Variants in SH3BP2 observed in about 807,000 individuals in gnomAD.
The protein encoded by SH3BP2 is SH3 domain-binding protein 2.
In SH3BP2, 38 loss-of-function variants were observed where a neutral mutation model predicts 56.2. The ratio of observed to expected loss-of-function variants is 0.68; its 90% CI spans 0.52 to 0.89. The LOEUF (loss-of-function observed/expected upper bound fraction) is 0.89, where lower values mean the gene tolerates loss of function less well. SH3BP2 is among the 40% of genes least tolerant of loss of function. The probability of loss-of-function intolerance (pLI) is 0.00; values close to 1 mark genes in which losing one functional copy is unlikely to be tolerated. For missense variants in SH3BP2, 748 were observed against 762.6 expected (o/e 0.98, Z 0.23); for synonymous variants, 346 against 316.7 (o/e 1.09, Z -0.98).
chr4:2,832,299 A>T (rs1335804838), intron 10 of SH3BP2, 32 bp from the exon 11 acceptor site: 1 of 1,568,484 alleles, frequency 6.4e-7, no homozygotes, highest in Non-Finnish European at 8.8e-7. Flanking sequence ...CCCGAGGAGG[A>T]CTCACCCGCT....
Position 2,820,671 on chromosome 4 carries a change from G to A in SH3BP2, c.54G>A (p.Gln18=). Residue 18 remains glutamine (Q), a synonymous_variant, in exon 2 of 13, where the codon CAG becomes CAA. Transcript: ENST00000503393. ...TCCCTATGAAGGCCATTGGTGCCCA[G>A]AACCTGCTAACCATGCCTGGGGGCG... ...WPVPMKAIGA[Q]NLLTMPGGVA... 1 of 1,614,178 alleles carries A rather than the reference G, an allele frequency of 6.2e-7. No homozygotes were observed. Among genetic ancestry groups the A allele is most frequent in the Non-Finnish European group, 8.5e-7 (1 of 1,180,008 alleles).
intron 11 of SH3BP2, among the ~76,000 whole-genome samples, 188 bp from the exon 12 acceptor site, chr4:2,832,802 G>A (rs145976743): frequency 0.017 from 2,548 of 152,296 alleles, 37 homozygotes; most frequent in Non-Finnish European, 0.027. Context: ...GCTCATCAGA[G>A]GCTCTCTGAG....
intron 1 of SH3BP2, chr4:2,817,841 T>C (rs1724069210): frequency 6.6e-6 from 1 of 152,212 alleles, no homozygotes; most frequent in Non-Finnish European, 1.5e-5. Context: ...AGAGGCCACT[T>C]TCCCGAGGGA....
chr4:2,821,109 A>G (rs1724281774), intron 2 of SH3BP2, among the ~76,000 whole-genome samples: 1 of 152,158 alleles, frequency 6.6e-6, no homozygotes, highest in South Asian at 2.1e-4. Context: ...CAGTGAACCT[A>G]TGTGTCAAGT....
intron 1 of SH3BP2, chr4:2,818,225 T>G: frequency 1.0e-6 from 1 of 985,870 alleles, no homozygotes; most frequent in Non-Finnish European, 1.2e-6. Context: ...CCGGCGGGCA[T>G]GGCGGGCTCC....
rs1037608233 is a variant in SH3BP2 at position 2,832,863 on chromosome 4, C to T, written c.1489-127C>T. 5.8e-5 allele frequency: 55 copies of T among 944,464 alleles called. No individual in the cohort carries two copies. In the African/African-American group the frequency reaches 7.3e-4, roughly 12 times the overall value. 58.5% of individuals were successfully genotyped at this position (944,464 alleles called of 1,614,324 possible). On this transcript the variant is annotated intron_variant, in intron 11 of 12. Coordinates refer to ENST00000503393, the MANE Select transcript of SH3BP2 (RefSeq NM_001122681.2). ...CTTGTGCAGGTGGTCTGGAGTCCCTCCCCGCCCCCCGAGGGCCACAGGACC... is the reference window on the plus strand; with the variant it reads ...CTTGTGCAGGTGGTCTGGAGTCCCTTCCCGCCCCCCGAGGGCCACAGGACC...
At chr4:2,827,358 C>T (rs778962975) in intron 6 of SH3BP2, 40 bp downstream of exon 6, 2 of 1,555,946 alleles carry the variant, frequency 1.3e-6, no homozygotes, top group Non-Finnish European at 1.8e-6. Flanking sequence ...TTTGCCTCTC[C>T]CCACCTGGCC....
In SH3BP2 at chr4:2,824,667, C is replaced by T; in HGVS notation, c.294C>T (p.Ile98=). Residue 98 remains isoleucine (I), a synonymous_variant, in exon 4 of 13, where the codon ATC becomes ATT. Coordinates refer to ENST00000503393, the MANE Select transcript of SH3BP2 (RefSeq NM_001122681.2). ...CCAACAACGTTTTCCCCTTCAAGAT[C>T]ATCCATATCAGCAAGAAGCACCGCA... ...TTSNNVFPFK[I]IHISKKHRTW... The T allele has an allele frequency of 6.2e-7, 1 of 1,614,078 alleles. No homozygotes were observed. Among genetic ancestry groups the T allele is most frequent in the Non-Finnish European group, 8.5e-7 (1 of 1,179,996 alleles).
rs1385745183 is a variant in SH3BP2, at chr4:2,810,337, T to C, written c.-4-10277T>C. ...GGACTCCCCCTGTAGCATCACAGCA[T>C]TGGACCAGGGCTGTGGGGGGAATGG... On this transcript the variant is annotated intron_variant, in intron 1 of 12. Transcript: ENST00000503393. This position sits in a 1 kb window ranked among gnomAD's most constrained non-coding sequence, Gnocchi z 4.2. Among the ~76,000 whole-genome samples, 2 of 151,274 alleles carry C rather than the reference T, an allele frequency of 1.3e-5. No homozygotes were observed. Among genetic ancestry groups the C allele is most frequent in the African/African-American group, 2.4e-5 (1 of 41,146 alleles).
intron 2 of SH3BP2, among the ~76,000 whole-genome samples, chr4:2,822,477 C>G (rs536877452): frequency 6.6e-6 from 1 of 152,222 alleles, no homozygotes; most frequent in East Asian, 1.9e-4. Context: ...TCAAGCAATT[C>G]TCCTGCTTCA....
chr4:2,794,531 C>T (rs1269362523), intron 1 of SH3BP2, among the ~76,000 whole-genome samples: 1 of 152,238 alleles, frequency 6.6e-6, no homozygotes. Context: ...CCCTGCCACC[C>T]GCCAGGCTCC....
intron 1 of SH3BP2, among the ~76,000 whole-genome samples, chr4:2,795,171 G>A (rs1037831796): frequency 1.3e-5 from 2 of 152,134 alleles, no homozygotes; most frequent in Non-Finnish European, 2.9e-5. Flanking sequence ...GCTCTCCCTG[G>A]TCCTCAGGGC....
In SH3BP2 at chr4:2,840,445, ATTGT is replaced by A. The variant is rs1560120026; in HGVS notation, c.*6616_*6619del. On this transcript the variant is annotated 3_prime_UTR_variant, in exon 13 of 13. Transcript: ENST00000503393. ...CATAGGGTTACACACCTGTCCTATCATTGTTTGTAATCTAACTTTCTGCGCCCAT... is the reference window on the plus strand; with the variant it reads ...CATAGGGTTACACACCTGTCCTATCATTGTAATCTAACTTTCTGCGCCCAT... 6.6e-6 allele frequency: 1 copy of A among 151,902 alleles called. No homozygotes were observed. Among genetic ancestry groups the A allele is most frequent in the Non-Finnish European group, 1.5e-5 (1 of 67,998 alleles). The allele number at this position is 151,902 out of a possible 1,614,324, so 9.4% of individuals were successfully genotyped here.
chr4:2,830,271 A>C (rs774679798), intron 8 of SH3BP2, 124 bp downstream of exon 8: 102 of 912,698 alleles, frequency 1.1e-4, no homozygotes, highest in Non-Finnish European at 1.6e-4. Flanking sequence ...TACCAGGTGC[A>C]AGGGTAGGAA....
intron 1 of SH3BP2, among the ~76,000 whole-genome samples, chr4:2,800,030 C>G (rs778085311): frequency 1.3e-5 from 2 of 151,966 alleles, no homozygotes; most frequent in Non-Finnish European, 2.9e-5. Context: ...ATGAGGAGCT[C>G]GGGCGGGGTC....
chr4:2,796,043 G>A (rs538363379), intron 1 of SH3BP2, among the ~76,000 whole-genome samples: 1 of 152,288 alleles, frequency 6.6e-6, no homozygotes, highest in African/African-American at 2.4e-5. Context: ...GCCTGTGCAC[G>A]GGAGGGTAGA....
intron 1 of SH3BP2, among the ~76,000 whole-genome samples, chr4:2,812,733 C>T (rs1465764803): frequency 1.3e-5 from 2 of 151,984 alleles, no homozygotes; most frequent in African/African-American, 4.8e-5. Context: ...CCCCCCCCAC[C>T]CCCCCATCAC....
intron 1 of SH3BP2, among the ~76,000 whole-genome samples, chr4:2,811,440 G>A (rs2108712430): frequency 6.6e-6 from 1 of 152,206 alleles, no homozygotes; most frequent in East Asian, 1.9e-4. Flanking sequence ...CTCTGCCCAG[G>A]GGTCCTGTCC....
rs1202396825 is a variant in SH3BP2 at position 2,834,401 on chromosome 4, T to C, written c.*567T>C. On this transcript the variant is annotated 3_prime_UTR_variant, in exon 13 of 13. Coordinates refer to ENST00000503393, the MANE Select transcript of SH3BP2 (RefSeq NM_001122681.2). ...ACCCGGGAACCCCAACAGTTGGTTG[T>C]CTTGTCTTCCAGGGTGCAGGTCACT... is the stretch of plus-strand genomic sequence containing the variant. 6.5e-6 allele frequency: 1 copy of C among 153,668 alleles called. No homozygotes were observed. The highest frequency in any genetic ancestry group is 2.4e-5 in the African/African-American group (1 of 41,482). The allele number at this position is 153,668 out of a possible 1,614,324, so 9.5% of individuals were successfully genotyped here. A position where few individuals can be genotyped will look rare whatever the true frequency, so the allele number is the denominator to read the frequency against.
Sources: allele counts gnomAD v4.1 joint callset (sites outside exome capture counted in the v4.1 genomes callset), GRCh38; gene constraint gnomAD v4.1.1; non-coding constraint Gnocchi (gnomAD v3.1); transcripts MANE v1.5; gene names NCBI Gene and HGNC (gene_info 2026-07-23, HGNC 2026-07-21).